The following NSMAF variants were observed in gnomAD, a reference collection of about 807,000 sequenced individuals.
The protein encoded by NSMAF is protein FAN.
Under a neutral mutation model 134.9 loss-of-function variants are expected in NSMAF, and 90 were observed. The observed-to-expected ratio is 0.67, with a 90% CI of 0.56 to 0.79. NSMAF has a LOEUF of 0.79. Among genes scored for constraint, NSMAF ranks in the 30% least tolerant of loss-of-function variants. The pLI is 0.00. For missense variants in NSMAF, 1,010 were observed against 1,119.0 expected (o/e 0.90, Z 1.39); for synonymous variants, 358 against 389.6 (o/e 0.92, Z 0.96).
intron 2 of NSMAF, among the ~76,000 whole-genome samples, chr8:58,636,771 G>A (rs992960821): frequency 7.9e-5 from 12 of 152,184 alleles, no homozygotes; most frequent in African/African-American, 2.9e-4. Context: ...CCCAAGGGCT[G>A]TAGTTTGCCA....
At chr8:58,631,008 G>A (rs2129145512) in intron 6 of NSMAF, among the ~76,000 whole-genome samples, 1 of 152,236 alleles carries the variant, frequency 6.6e-6, no homozygotes, top group East Asian at 1.9e-4. Flanking sequence ...ATAGTTAAAT[G>A]AAATGTCTAT....
intron 9 of NSMAF, among the ~76,000 whole-genome samples, chr8:58,620,194 T>G (rs1213732143): frequency 6.6e-6 from 1 of 152,222 alleles, no homozygotes; most frequent in African/African-American, 2.4e-5. Context: ...AGGTAGGTAC[T>G]TATTGCAACT....
At position 58,623,288 on chromosome 8, in the gene NSMAF, C is replaced by G; in HGVS notation, c.505-16G>C. On this transcript the variant is annotated splice_polypyrimidine_tract_variant and intron_variant, in intron 8 of 30. Transcript: ENST00000038176. ...TAGCTGTTATCTATTAAAACAGAAC[C>G]AGAAAAAAAGTATTTATAAGTATTT... is the stretch of plus-strand genomic sequence containing the variant. 1 of 1,562,104 alleles carries G rather than the reference C, an allele frequency of 6.4e-7. No individual in the cohort carries two copies.
rs1223975106 is a variant in NSMAF, at chr8:58,589,196, CAG to C, written c.2211+254_2211+255del. Among the ~76,000 whole-genome samples the C allele has an allele frequency of 3.4e-5, 5 of 145,166 alleles. No individual in the cohort carries two copies. The South Asian group carries it at 8.6e-4, about 25-fold the overall frequency. On this transcript the variant is annotated intron_variant, in intron 26 of 30. Coordinates refer to ENST00000038176, the MANE Select transcript of NSMAF (RefSeq NM_003580.4). Reference sequence around the variant, plus strand: ...ATATATAAATATATGTAATATATAACAGATATTATATTTTAAATATAAATAAT... The same window carrying C: ...ATATATAAATATATGTAATATATAACATATTATATTTTAAATATAAATAAT...
intron 9 of NSMAF, among the ~76,000 whole-genome samples, chr8:58,617,624 C>A (rs369431939): frequency 6.6e-6 from 1 of 152,128 alleles, no homozygotes; most frequent in Non-Finnish European, 1.5e-5. Flanking sequence ...CCATCTCATG[C>A]CAGTTAGAAT....
At chr8:58,627,287 G>A (rs182496607) in intron 6 of NSMAF, among the ~76,000 whole-genome samples, 234 of 151,964 alleles carry the variant, frequency 1.5e-3, no homozygotes, top group African/African-American at 5.4e-3. Flanking sequence ...CTTTGCCTAC[G>A]CCCCTGAAAA....
chr8:58,659,526 GC>G, intron 1 of NSMAF, 46 bp downstream of exon 1: 1 of 1,474,900 alleles, frequency 6.8e-7, no homozygotes. Context: ...CCCACGACCG[GC>G]CCCGACTAGG....
At position 58,599,756 on chromosome 8, in the gene NSMAF, C is replaced by A. The variant is rs1806231729; in HGVS notation, c.1447G>T (p.Ala483Ser). 5.0e-6 allele frequency: 8 copies of A among 1,613,952 alleles called. No individual in the cohort carries two copies. Among genetic ancestry groups the A allele is most frequent in the Non-Finnish European group, 6.8e-6 (8 of 1,179,890 alleles). ...MVDDVELPPW[A>S]SSPEDFLQKS... is the part of the protein sequence containing the mutation. ...CCTCCAAGGGGGGACTCACTGGAAG[C>A]CCAAGGGGGAAGCTCCACGTCGTCA... is the stretch of plus-strand genomic sequence containing the variant. Residue 483 changes from alanine (A) to serine (S), a missense_variant, in exon 18 of 31, where the codon GCT becomes TCT. Ala to Ser is a moderately conservative substitution (Grantham distance 99, BLOSUM62 1). Coordinates refer to ENST00000038176, the MANE Select transcript of NSMAF (RefSeq NM_003580.4).
At chr8:58,624,344 G>A (rs1191128586) in intron 6 of NSMAF, among the ~76,000 whole-genome samples, 1 of 152,084 alleles carries the variant, frequency 6.6e-6, no homozygotes, top group Non-Finnish European at 1.5e-5. Flanking sequence ...ACCACACCTG[G>A]CCTAGAGTTA....
chr8:58,628,946 A>G (rs887077287), intron 6 of NSMAF, among the ~76,000 whole-genome samples: 4 of 152,054 alleles, frequency 2.6e-5, no homozygotes, highest in Admixed American at 2.6e-4. Flanking sequence ...CTGTGACCAG[A>G]CACTTTTCTC....
chr8:58,603,476 G>A, intron 12 of NSMAF, 90 bp from the exon 13 acceptor site: 3 of 1,211,360 alleles, frequency 2.5e-6, no homozygotes, highest in African/African-American at 1.5e-5. Context: ...CCATCCCTGT[G>A]CATTCTTGAA....
chr8:58,602,006 G>T, intron 14 of NSMAF, 52 bp downstream of exon 14: 1 of 1,401,540 alleles, frequency 7.1e-7, no homozygotes, highest in Non-Finnish European at 1.0e-6. Flanking sequence ...TAAAAACACA[G>T]GCCATGGCTT....
At chr8:58,617,320 T>C (rs1806681025) in intron 9 of NSMAF, among the ~76,000 whole-genome samples, 1 of 152,108 alleles carries the variant, frequency 6.6e-6, no homozygotes, top group Non-Finnish European at 1.5e-5. Context: ...GGGATCTAAT[T>C]AAACTAAAGA....
chr8:58,601,918 G>A, intron 14 of NSMAF, 140 bp downstream of exon 14: 1 of 654,956 alleles, frequency 1.5e-6, no homozygotes, highest in Non-Finnish European at 2.6e-6. Context: ...TTCACGGTCA[G>A]GAGAAAAGTA....
intron 13 of NSMAF, among the ~76,000 whole-genome samples, chr8:58,602,397 T>C (rs939529673): frequency 6.6e-6 from 1 of 152,168 alleles, no homozygotes; most frequent in African/African-American, 2.4e-5. Context: ...AAAAAGTTTC[T>C]GATTAAGGAA....
intron 23 of NSMAF, 116 bp downstream of exon 23, chr8:58,594,116 T>C: frequency 2.5e-6 from 2 of 813,424 alleles, no homozygotes; most frequent in South Asian, 1.5e-5. Flanking sequence ...CTGCTCTAAG[T>C]TTACTTTATG....
At chr8:58,659,452 CG>C in intron 1 of NSMAF, 120 bp downstream of exon 1, 2 of 1,492,546 alleles carry the variant, frequency 1.3e-6, no homozygotes, top group Non-Finnish European at 1.8e-6. Context: ...GACACGCGTC[CG>C]GCCCCTGCCT....
At chr8:58,626,091 C>CTTTTTTTTTTTT (rs1225264071) in intron 6 of NSMAF, among the ~76,000 whole-genome samples, 2 of 99,370 alleles carry the variant, frequency 2.0e-5, no homozygotes, top group South Asian at 3.7e-4. Context: ...TTATATAATT[C>CTTTTTTTTTTTT]TTTTTTTTTT....
At chr8:58,633,455 A>C (rs1397556871) in intron 5 of NSMAF, among the ~76,000 whole-genome samples, 1 of 152,208 alleles carries the variant, frequency 6.6e-6, no homozygotes, top group African/African-American at 2.4e-5. Flanking sequence ...GCATGAGAAC[A>C]TTCCTTATCA....
Sources: gnomAD v4.1 joint callset for allele counts (sites outside exome capture counted in the v4.1 genomes callset) on GRCh38, gnomAD v4.1.1 for gene constraint, MANE v1.5 for transcripts, NCBI Gene and HGNC (gene_info 2026-07-23, HGNC 2026-07-21) for gene names.